Variants in MACF1 observed in about 807,000 individuals in gnomAD.
The protein encoded by MACF1 is microtubule actin crosslinking factor 1.
MACF1 carries 193 observed loss-of-function variants against 854.8 expected under a neutral mutation model. The ratio of observed to expected loss-of-function variants is 0.23; its 90% CI spans 0.20 to 0.25. The LOEUF (loss-of-function observed/expected upper bound fraction) is 0.25, where lower values mean the gene tolerates loss of function less well. MACF1 is among the 10% of genes least tolerant of loss of function. The pLI, the probability that MACF1 is intolerant of heterozygous loss-of-function variation, is 1.00. For missense variants in MACF1, 7,722 were observed against 8,929.1 expected (o/e 0.86, Z 5.45); for synonymous variants, 3,185 against 3,226.7 (o/e 0.99, Z 0.44).
At position 39,388,040 on chromosome 1, in the gene MACF1, A is replaced by T. The variant is rs781052924; in HGVS notation, c.15198A>T (p.Val5066=). ...QEVLQALEPQ[V]DYLRNFTQGL... ...TGCTGCAGGCCCTAGAGCCTCAGGT[A>T]GACTATCTGAGGAACTTTACTCAGG... The change falls in exon 58 of 101, where the codon GTA becomes GTT. Residue 5066 remains valine, a synonymous_variant. Coordinates refer to ENST00000564288, the MANE Select transcript of MACF1 (RefSeq NM_001394062.1). 8.7e-6 allele frequency: 14 copies of T among 1,614,010 alleles called. No individual in the cohort carries two copies. Among genetic ancestry groups the T allele is most frequent in the Non-Finnish European group, 1.2e-5 (14 of 1,180,026 alleles).
At chr1:39,085,846 T>C (rs915444929) in intron 2 of MACF1, among the ~76,000 whole-genome samples, 1 of 152,168 alleles carries the variant, frequency 6.6e-6, no homozygotes, top group Admixed American at 6.5e-5. Flanking sequence ...CACAGTACAC[T>C]GTAACTGGAC....
At chr1:39,404,418 C>T (rs1345350225) in intron 58 of MACF1, among the ~76,000 whole-genome samples, 1 of 151,560 alleles carries the variant, frequency 6.6e-6, no homozygotes, top group Non-Finnish European at 1.5e-5. Context: ...TTGCAGTGAA[C>T]CGAGATCGTG....
chr1:39,148,801 A>G (rs1643515895), intron 2 of MACF1, among the ~76,000 whole-genome samples: 1 of 152,222 alleles, frequency 6.6e-6, no homozygotes, highest in Admixed American at 6.5e-5. Context: ...AAAAAGATAA[A>G]TTCCTAAGAA....
chr1:39,358,816 C>G lies in MACF1; in HGVS notation c.12063C>G (p.Leu4021=). 2.5e-6 allele frequency: 4 copies of G among 1,613,708 alleles called. No homozygotes were observed. Among genetic ancestry groups the G allele is most frequent in the Non-Finnish European group, 2.5e-6 (3 of 1,179,928 alleles). ...QACEANVEKL[L]SDTVASDPGV... Reference sequence around the variant, plus strand: ...GTGAGGCCAACGTGGAGAAGCTCCTCTCAGATACTGTTGCCTCTGACCCTG... The same window carrying G: ...GTGAGGCCAACGTGGAGAAGCTCCTGTCAGATACTGTTGCCTCTGACCCTG... Residue 4021 remains leucine, a synonymous_variant, in exon 46 of 101, where the codon CTC becomes CTG. Coordinates refer to ENST00000564288, the MANE Select transcript of MACF1 (RefSeq NM_001394062.1).
In MACF1 at chr1:39,359,200, T is replaced by C; in HGVS notation, c.12180T>C (p.Ala4060=). The C allele has an allele frequency of 1.2e-6, 2 of 1,614,132 alleles. No individual in the cohort carries two copies. Among genetic ancestry groups the C allele is most frequent in the South Asian group, 2.2e-5 (2 of 91,084 alleles). The change falls in exon 47 of 101, where the codon GCT becomes GCC. Residue 4060 remains alanine (A), a synonymous_variant. Coordinates refer to ENST00000564288, the MANE Select transcript of MACF1 (RefSeq NM_001394062.1). ...QVPVEKLQKV[A]RDIMEIEGEP... Reference sequence around the variant, plus strand: ...CTGTGGAAAAACTCCAAAAAGTAGCTCGTGACATAATGGAAATTGAAGGGG... The same window carrying C: ...CTGTGGAAAAACTCCAAAAAGTAGCCCGTGACATAATGGAAATTGAAGGGG...
At chr1:39,223,303 G>A (rs1285504637) in intron 1 of MACF1, among the ~76,000 whole-genome samples, 3 of 152,174 alleles carry the variant, frequency 2.0e-5, no homozygotes, top group Non-Finnish European at 4.4e-5. Flanking sequence ...AAGCTAAAAA[G>A]TTTGACTGTT....
intron 2 of MACF1, among the ~76,000 whole-genome samples, chr1:39,173,849 T>C (rs976433691): frequency 5.9e-5 from 9 of 152,192 alleles, no homozygotes; most frequent in African/African-American, 2.2e-4. Context: ...TAAGAATAAC[T>C]AGTCTGTCTG....
intron 61 of MACF1, among the ~76,000 whole-genome samples, chr1:39,425,359 C>T (rs1013413787): frequency 6.6e-6 from 1 of 152,152 alleles, no homozygotes; most frequent in Non-Finnish European, 1.5e-5. Context: ...CCCTTCCCAT[C>T]CCCCAGCTGC....
In MACF1 at chr1:39,388,186, A is replaced by G. The variant is rs1462423186; in HGVS notation, c.15344A>G (p.Glu5115Gly). Residue 5115 changes from glutamate to glycine, a missense_variant, in exon 58 of 101, where the codon GAA (glutamate) becomes GGA (glycine). Glu to Gly is a moderately conservative substitution (Grantham distance 98, BLOSUM62 -2). Transcript: ENST00000564288. ...GTGAACAGTGGTTGTGTGATGATGG[A>G]AAACAAGCTGGAGGGGATTGGCCAG... The part of the protein sequence containing the change: ...QRVNSGCVMM[E>G]NKLEGIGQFH... 1 of 1,614,178 alleles carries G rather than the reference A, an allele frequency of 6.2e-7. No homozygotes were observed. Among genetic ancestry groups the G allele is most frequent in the Non-Finnish European group, 8.5e-7 (1 of 1,180,036 alleles).
intron 77 of MACF1, 59 bp from the exon 78 acceptor site, chr1:39,442,655 A>C: frequency 1.2e-6 from 2 of 1,609,582 alleles, no homozygotes; most frequent in South Asian, 2.2e-5. Flanking sequence ...TGTATATCTT[A>C]AGAGAACCAA....
chr1:39,378,864 C>A (rs193085184), intron 53 of MACF1, among the ~76,000 whole-genome samples: 15 of 152,274 alleles, frequency 9.9e-5, no homozygotes, highest in African/African-American at 3.4e-4. Context: ...GGTGACTTCT[C>A]TGTAGTTTGG....
Position 39,233,775 on chromosome 1 carries a change from C to CTTTTTTTTTTTTTT in MACF1, c.171+2541_171+2554dup, listed in dbSNP as rs11286953. On this transcript the variant is annotated intron_variant, in intron 2 of 100. Coordinates refer to ENST00000564288, the MANE Select transcript of MACF1 (RefSeq NM_001394062.1). The stretch of plus-strand genomic sequence containing the variant: ...TCATCTGTATGTTACCTAGCCATAG[C>CTTTTTTTTTTTTTT]TTTTTTTTTTTTTTTTTTTTTTATT... Among the ~76,000 whole-genome samples, 290 of 36,518 alleles carry CTTTTTTTTTTTTTT rather than the reference C, an allele frequency of 7.9e-3. 56 individuals are homozygous for CTTTTTTTTTTTTTT. Among genetic ancestry groups the CTTTTTTTTTTTTTT allele is most frequent in the Non-Finnish European group, 8.9e-3 (139 of 15,596 alleles). 24.0% of individuals were successfully genotyped at this position (36,518 alleles called of 152,430 possible).
At chr1:39,221,534 CG>C (rs1014770235) in intron 1 of MACF1, among the ~76,000 whole-genome samples, 1 of 152,202 alleles carries the variant, frequency 6.6e-6, no homozygotes, top group African/African-American at 2.4e-5. Flanking sequence ...CTCACCAAAT[CG>C]GTAACCTCTT....
rs192781151 is a variant in MACF1, at chr1:39,245,444, C to T, written c.172-4570C>T. Among the ~76,000 whole-genome samples, 1,442 of 152,204 alleles carry T rather than the reference C, an allele frequency of 9.5e-3. 6 individuals carry two copies. The highest frequency in any genetic ancestry group is 0.015 in the Non-Finnish European group (1,007 of 68,008). ...TACAGGCATGTGCCGCCATGCACAA[C>T]TTTTTTGTATTTTTAGTGGAGACAG... is the stretch of plus-strand genomic sequence containing the variant. On this transcript the variant is annotated intron_variant, in intron 2 of 100. Transcript: ENST00000564288.
intron 2 of MACF1, among the ~76,000 whole-genome samples, chr1:39,112,554 C>G (rs1425489352): frequency 6.6e-6 from 1 of 151,990 alleles, no homozygotes; most frequent in African/African-American, 2.4e-5. Context: ...GGTGCAATCC[C>G]GTGGTCCCAG....
At chr1:39,371,525 A>G (rs111989010) in intron 51 of MACF1, among the ~76,000 whole-genome samples, 4 of 152,204 alleles carry the variant, frequency 2.6e-5, no homozygotes, top group African/African-American at 9.6e-5. Context: ...TGAAAGGAGT[A>G]AAATCCTACA....
Position 39,387,878 on chromosome 1 carries a change from C to T in MACF1, c.15036C>T (p.Leu5012=), listed in dbSNP as rs149107306. 23 of 1,613,794 alleles carry T rather than the reference C, an allele frequency of 1.4e-5. No homozygotes were observed. The highest frequency in any genetic ancestry group is 1.8e-5 in the Non-Finnish European group (21 of 1,180,000). ...CACTCGAAGAAATGACTCAGAGGCT[C>T]AGGGAGTTCCAGGAAAGCTTTAAGA... is the stretch of plus-strand genomic sequence containing the variant. ...TGSLEEMTQR[L]REFQESFKNI... The change falls in exon 58 of 101, where the codon CTC becomes CTT. Residue 5012 remains leucine (L), a synonymous_variant. Transcript: ENST00000564288.
At chr1:39,128,831 A>T (rs1018084609) in intron 2 of MACF1, among the ~76,000 whole-genome samples, 1 of 152,210 alleles carries the variant, frequency 6.6e-6, no homozygotes, top group Non-Finnish European at 1.5e-5. Flanking sequence ...AAGCTAACCC[A>T]TGATAACTCA....
chr1:39,133,227 G>A (rs976098773), intron 2 of MACF1, among the ~76,000 whole-genome samples: 1 of 152,160 alleles, frequency 6.6e-6, no homozygotes, highest in Non-Finnish European at 1.5e-5. Flanking sequence ...GGTATGGGGT[G>A]TGGTGGGAGC....
Sources: gnomAD v4.1 joint callset for allele counts (sites outside exome capture counted in the v4.1 genomes callset) on GRCh38, gnomAD v4.1.1 for gene constraint, MANE v1.5 for transcripts, NCBI Gene and HGNC (gene_info 2026-07-23, HGNC 2026-07-21) for gene names.